CLSTN2: variants seen among roughly 807,000 people sequenced by gnomAD.
CLSTN2 encodes the protein calsyntenin 2, also known as calsyntenin-2.
A neutral mutation model predicts 101.2 loss-of-function variants in CLSTN2; 48 were observed. The observed-to-expected ratio is 0.47, with a 90% CI of 0.38 to 0.60. The LOEUF (loss-of-function observed/expected upper bound fraction) is 0.60, where lower values mean the gene tolerates loss of function less well. Among genes scored for constraint, CLSTN2 ranks in the 20% least tolerant of loss-of-function variants. CLSTN2 has a pLI of 0.00. For missense variants in CLSTN2, 1,160 were observed against 1,238.2 expected (o/e 0.94, Z 0.95); for synonymous variants, 481 against 463.6 (o/e 1.04, Z -0.48).
intron 1 of CLSTN2, among the ~76,000 whole-genome samples, chr3:140,057,449 T>G (rs1167106055): frequency 6.6e-6 from 1 of 152,250 alleles, no homozygotes; most frequent in Admixed American, 6.5e-5. Flanking sequence ...AGTAGCAACG[T>G]TCTTCATTCT....
At chr3:140,014,636 G>A (rs1237516765) in intron 1 of CLSTN2, among the ~76,000 whole-genome samples, 2 of 152,128 alleles carry the variant, frequency 1.3e-5, no homozygotes. Context: ...ACAAACAGAA[G>A]AGCAAGTATA....
rs72991704 is a variant in CLSTN2, at chr3:140,309,818, G to A, written c.233-93811G>A. ...TGTCTGCACCCTGGTTTAGCACTTG[G>A]CCCTGAACTTCCAATCTCTCAGGCC... On this transcript the variant is annotated intron_variant, in intron 2 of 16. Coordinates refer to ENST00000458420, the MANE Select transcript of CLSTN2 (RefSeq NM_022131.3). Among the ~76,000 whole-genome samples the A allele has an allele frequency of 4.9e-3, 739 of 151,960 alleles. 6 individuals are homozygous for A. Among genetic ancestry groups the A allele is most frequent in the African/African-American group, 0.017 (688 of 41,426 alleles).
intron 2 of CLSTN2, among the ~76,000 whole-genome samples, chr3:140,212,997 G>T (rs1481119312): frequency 2.0e-5 from 3 of 152,200 alleles, no homozygotes; most frequent in African/African-American, 7.2e-5. Context: ...CCCAGGAGGA[G>T]CCTGATGGAT....
At chr3:139,985,261 T>G (rs1936002225) in intron 1 of CLSTN2, among the ~76,000 whole-genome samples, 1 of 152,172 alleles carries the variant, frequency 6.6e-6, no homozygotes, top group Admixed American at 6.5e-5. Flanking sequence ...AGCCATGATG[T>G]GCAAGTCTCC....
chr3:140,532,182 G>C (rs1372480736), intron 8 of CLSTN2, 142 bp from the exon 9 acceptor site: 1 of 519,822 alleles, frequency 1.9e-6, no homozygotes, highest in African/African-American at 1.9e-5. Context: ...TTCAGTGTAT[G>C]TCAACTGTTA....
At chr3:140,172,810 G>T (rs547424653) in intron 1 of CLSTN2, among the ~76,000 whole-genome samples, 1 of 152,144 alleles carries the variant, frequency 6.6e-6, no homozygotes, top group Non-Finnish European at 1.5e-5. Context: ...ATCAGATCTC[G>T]TGAGACTTAT....
intron 2 of CLSTN2, among the ~76,000 whole-genome samples, chr3:140,232,350 T>C (rs1414306526): frequency 6.6e-6 from 1 of 152,168 alleles, no homozygotes; most frequent in African/African-American, 2.4e-5. Context: ...ATGCTTGACA[T>C]TGAATGTTAG....
chr3:140,231,472 A>T (rs1188924719), intron 2 of CLSTN2, among the ~76,000 whole-genome samples: 1 of 152,220 alleles, frequency 6.6e-6, no homozygotes, highest in East Asian at 1.9e-4. Flanking sequence ...ACAAGGGGAG[A>T]CAAATTCAGG....
rs553476187 is a variant in CLSTN2, at chr3:140,265,634, T to C, written c.232+89561T>C. On this transcript the variant is annotated intron_variant, in intron 2 of 16. Coordinates refer to ENST00000458420, the MANE Select transcript of CLSTN2 (RefSeq NM_022131.3). ...CATTGACTTTTAACAGTGATTCTCC[T>C]GCTGTTGATATGAAATAAAAGCCAG... is the stretch of plus-strand genomic sequence containing the variant. 9.8e-5 allele frequency among the ~76,000 whole-genome samples: 15 copies of C among 152,336 alleles called. No individual in the cohort carries two copies. The South Asian group carries it at 3.1e-3, about 32-fold the overall frequency.
chr3:140,383,277 C>T (rs897020283), intron 2 of CLSTN2, among the ~76,000 whole-genome samples: 10 of 152,172 alleles, frequency 6.6e-5, no homozygotes, highest in Non-Finnish European at 1.5e-4. Flanking sequence ...CACCTTAAAG[C>T]ACAGAGATGT....
At position 140,403,779 on chromosome 3, in the gene CLSTN2, A is replaced by G; in HGVS notation, c.383A>G (p.Asp128Gly). The G allele has an allele frequency of 6.2e-7, 1 of 1,614,058 alleles. No individual in the cohort carries two copies. The highest frequency in any genetic ancestry group is 8.5e-7 in the Non-Finnish European group (1 of 1,179,982). ...TACACATTCATCATCCAGGCCTATGACTGTGGTGCTGGGCCCCACGAGACA... is the reference window on the plus strand; with the variant it reads ...TACACATTCATCATCCAGGCCTATGGCTGTGGTGCTGGGCCCCACGAGACA... The part of the protein sequence containing the change: ...KEYTFIIQAY[D>G]CGAGPHETAW... Residue 128 changes from aspartate to glycine, a missense_variant, in exon 3 of 17, where the codon GAC becomes GGC. Physicochemically the swap from Asp to Gly is moderately conservative, Grantham distance 94 (BLOSUM62 -1). Transcript: ENST00000458420.
chr3:140,059,281 C>G (rs543453461), intron 1 of CLSTN2, among the ~76,000 whole-genome samples: 1 of 152,214 alleles, frequency 6.6e-6, no homozygotes, highest in East Asian at 1.9e-4. Context: ...AGTTCTGATT[C>G]CCAGATGGCT....
chr3:140,076,186 A>T (rs2008484184), intron 1 of CLSTN2, among the ~76,000 whole-genome samples: 1 of 152,104 alleles, frequency 6.6e-6, no homozygotes, highest in Non-Finnish European at 1.5e-5. Context: ...GGCTTGTTTC[A>T]CTTAGCATAA....
intron 2 of CLSTN2, among the ~76,000 whole-genome samples, chr3:140,343,028 T>C (rs751241518): frequency 6.6e-6 from 1 of 152,172 alleles, no homozygotes; most frequent in Non-Finnish European, 1.5e-5. Flanking sequence ...GGAGGAGTAG[T>C]CAAAGTCACA....
intron 1 of CLSTN2, among the ~76,000 whole-genome samples, chr3:140,002,608 C>T (rs539813912): frequency 5.9e-5 from 9 of 152,024 alleles, no homozygotes; most frequent in African/African-American, 7.2e-5. Context: ...CCTGTGCTTG[C>T]GGGGTATTAC....
chr3:140,388,038 T>G (rs1228803950), intron 2 of CLSTN2, among the ~76,000 whole-genome samples: 1 of 152,252 alleles, frequency 6.6e-6, no homozygotes, highest in Non-Finnish European at 1.5e-5. Flanking sequence ...GCACCACGAT[T>G]GCTTCTCACG....
intron 2 of CLSTN2, among the ~76,000 whole-genome samples, chr3:140,383,356 T>G (rs1465306874): frequency 1.3e-5 from 2 of 152,184 alleles, no homozygotes; most frequent in African/African-American, 4.8e-5. Flanking sequence ...TTTCTAATAT[T>G]CTGTGCTTGA....
At chr3:140,538,229 C>A (rs1407802906) in intron 9 of CLSTN2, among the ~76,000 whole-genome samples, 1 of 122,006 alleles carries the variant, frequency 8.2e-6, no homozygotes, top group Non-Finnish European at 1.6e-5. Context: ...TGGGTTGTAA[C>A]CTTCCTAGAG....
chr3:140,410,291 A>T (rs111521419), intron 4 of CLSTN2, among the ~76,000 whole-genome samples: 5,836 of 152,046 alleles, frequency 0.038, 181 homozygotes, highest in African/African-American at 0.087. Flanking sequence ...TTTTGAAAGC[A>T]GCAAAAGAAA....
Sources: allele counts gnomAD v4.1 joint callset (sites outside exome capture counted in the v4.1 genomes callset), GRCh38; gene constraint gnomAD v4.1.1; transcripts MANE v1.5; gene names NCBI Gene and HGNC (gene_info 2026-07-23, HGNC 2026-07-21).